Variants in ETS1 observed in about 807,000 individuals in gnomAD.
The protein encoded by ETS1 is ETS proto-oncogene 1, transcription factor, also known as protein C-ets-1.
In ETS1, 15 loss-of-function variants were observed where a neutral mutation model predicts 58.6. The ratio of observed to expected loss-of-function variants is 0.26; its 90% CI spans 0.17 to 0.39. The LOEUF is 0.39. ETS1 is among the 10% of genes least tolerant of loss of function. ETS1 has a pLI of 1.00. For synonymous variants in ETS1, 214 were observed against 218.2 expected, an observed-to-expected ratio of 0.98 and a Z score of 0.17; for missense variants, 417 against 610.5, an observed-to-expected ratio of 0.68 and a Z score of 3.34.
chr11:128,569,318 CT>C (rs398018017), intron 2 of ETS1, among the ~76,000 whole-genome samples: 654 of 39,432 alleles, frequency 0.017, 17 homozygotes, highest in Middle Eastern at 0.095. Flanking sequence ...AGAGTTTCTT[CT>C]TTTTTTTTTT....
chr11:128,470,390 C>T (rs1020950566), intron 8 of ETS1, among the ~76,000 whole-genome samples: 4 of 152,176 alleles, frequency 2.6e-5, no homozygotes, highest in Admixed American at 6.5e-5. Context: ...CAGTTCTTAC[C>T]TGAATCACCA....
intron 5 of ETS1, 98 bp downstream of exon 5, chr11:128,489,192 A>G (rs1250135006): frequency 4.1e-6 from 4 of 982,876 alleles, no homozygotes; most frequent in Non-Finnish European, 6.5e-6. Flanking sequence ...GGACACCCAC[A>G]GATAAAGGCA....
chr11:128,572,892 A>G (rs751135829), intron 2 of ETS1, among the ~76,000 whole-genome samples, 170 bp downstream of exon 2: 23 of 152,302 alleles, frequency 1.5e-4, no homozygotes, highest in Non-Finnish European at 2.4e-4. Context: ...ATGCTGATAA[A>G]ATCATAGATA....
At chr11:128,560,804 A>G (rs1350273995) in intron 2 of ETS1, among the ~76,000 whole-genome samples, 2 of 152,212 alleles carry the variant, frequency 1.3e-5, no homozygotes, top group Non-Finnish European at 2.9e-5. Flanking sequence ...ACAGACAAGT[A>G]AACAGGAAAT....
At chr11:128,490,771 T>G (rs1245652436) in intron 3 of ETS1, among the ~76,000 whole-genome samples, 195 bp from the exon 4 acceptor site, 1 of 142,644 alleles carries the variant, frequency 7.0e-6, no homozygotes, top group East Asian at 2.0e-4. Flanking sequence ...CAGGCTGGAG[T>G]GCAGTGGCGT....
At chr11:128,522,807 G>C (rs1188357400) in intron 3 of ETS1, among the ~76,000 whole-genome samples, 1 of 152,242 alleles carries the variant, frequency 6.6e-6, no homozygotes, top group East Asian at 1.9e-4. Context: ...TGTGGATGAA[G>C]GCGAGCGTGC....
intron 3 of ETS1, among the ~76,000 whole-genome samples, chr11:128,547,399 G>A (rs1206360247): frequency 6.6e-6 from 1 of 152,164 alleles, no homozygotes; most frequent in African/African-American, 2.4e-5. Flanking sequence ...ACTCTCCTGG[G>A]CAAGAACCCC....
At chr11:128,552,689 T>C (rs542227151) in intron 3 of ETS1, among the ~76,000 whole-genome samples, 131 of 148,518 alleles carry the variant, frequency 8.8e-4, no homozygotes, top group African/African-American at 3.2e-3. Context: ...GAAGTTGAAA[T>C]CAAATATGGA....
In ETS1 at chr11:128,497,439, G is replaced by A. The variant is rs1049982410; in HGVS notation, c.215-6863C>T. ...CCTGAGAAAGAAGCCTGTAGAGAGG[G>A]CTCAGCACACTGAACATCTGTAGGA... On this transcript the variant is annotated intron_variant, in intron 3 of 9. Coordinates refer to ENST00000392668, the MANE Select transcript of ETS1 (RefSeq NM_001143820.2). The A allele has an allele frequency of 3.3e-5, 7 of 212,970 alleles. No individual in the cohort carries two copies. The Admixed American group carries it at 3.9e-4, about 12-fold the overall frequency. The allele number at this position is 212,970 out of a possible 1,614,324, so 13.2% of individuals were successfully genotyped here. A position where few individuals can be genotyped will look rare whatever the true frequency, so the allele number is the denominator to read the frequency against.
At chr11:128,548,822 C>T (rs570276829) in intron 3 of ETS1, among the ~76,000 whole-genome samples, 1 of 152,234 alleles carries the variant, frequency 6.6e-6, no homozygotes, top group South Asian at 2.1e-4. Context: ...TCCCGCCCTG[C>T]GGAGCAATGA....
At chr11:128,511,649 C>T (rs532653614) in intron 3 of ETS1, among the ~76,000 whole-genome samples, 6 of 152,318 alleles carry the variant, frequency 3.9e-5, no homozygotes, top group African/African-American at 1.4e-4. Context: ...TGAAATCTAC[C>T]TCCACCAAAA....
chr11:128,554,240 A>G (rs1284501497), intron 3 of ETS1, among the ~76,000 whole-genome samples: 3 of 152,136 alleles, frequency 2.0e-5, no homozygotes, highest in Non-Finnish European at 4.4e-5. Flanking sequence ...CAACCATCAC[A>G]TTTGTGAAGA....
chr11:128,512,810 G>A (rs1863425508), intron 3 of ETS1, among the ~76,000 whole-genome samples: 1 of 152,258 alleles, frequency 6.6e-6, no homozygotes, highest in Non-Finnish European at 1.5e-5. Context: ...AGGAGGGACT[G>A]TTTCTGACCA....
At chr11:128,572,550 A>T (rs558857393) in intron 2 of ETS1, among the ~76,000 whole-genome samples, 1 of 152,252 alleles carries the variant, frequency 6.6e-6, no homozygotes, top group South Asian at 2.1e-4. Context: ...TGGACAAAAA[A>T]CTTCATCCAG....
At chr11:128,555,145 C>T (rs796817943) in intron 3 of ETS1, among the ~76,000 whole-genome samples, 15 of 152,250 alleles carry the variant, frequency 9.9e-5, no homozygotes, top group African/African-American at 3.1e-4. Flanking sequence ...TTCATTCTGC[C>T]CTGGAGAGAA....
At chr11:128,481,369 C>T (rs1297346570) in intron 7 of ETS1, among the ~76,000 whole-genome samples, 1 of 146,600 alleles carries the variant, frequency 6.8e-6, no homozygotes, top group African/African-American at 2.5e-5. Context: ...TATGATTGCA[C>T]AATAGCTCCT....
chr11:128,490,401 G>A (rs903508249), intron 4 of ETS1, 56 bp downstream of exon 4: 1 of 1,596,062 alleles, frequency 6.3e-7, no homozygotes, highest in South Asian at 1.1e-5. Flanking sequence ...GTGAGAAAAT[G>A]TGTCTTCCCA....
chr11:128,513,378 A>G (rs1027844379), intron 3 of ETS1, among the ~76,000 whole-genome samples: 3 of 152,208 alleles, frequency 2.0e-5, no homozygotes, highest in African/African-American at 7.2e-5. Context: ...GGTGCATAAA[A>G]ATGCAATGAC....
chr11:128,522,691 C>T (rs926447615), intron 3 of ETS1, among the ~76,000 whole-genome samples: 18 of 152,230 alleles, frequency 1.2e-4, no homozygotes, highest in African/African-American at 3.9e-4. Context: ...TCCACGCATT[C>T]TTGAGGGCTT....
Sources: allele counts gnomAD v4.1 joint callset (sites outside exome capture counted in the v4.1 genomes callset), GRCh38; gene constraint gnomAD v4.1.1; transcripts MANE v1.5; gene names NCBI Gene and HGNC (gene_info 2026-07-23, HGNC 2026-07-21).